Variants in ST8SIA6 observed in about 807,000 individuals in gnomAD.
ST8SIA6 encodes the protein alpha-2,8-sialyltransferase 8F.
In ST8SIA6, 39 loss-of-function variants were observed where a neutral mutation model predicts 33.6. The ratio of observed to expected loss-of-function variants is 1.16; its 90% CI spans 0.90 to 1.52. The LOEUF is 1.52. Ranked by LOEUF, ST8SIA6 falls within the 40% of genes most tolerant of loss-of-function variation. The pLI is 0.00. For missense variants in ST8SIA6, 441 were observed against 443.8 expected (o/e 0.99, Z 0.06); for synonymous variants, 172 against 167.2 (o/e 1.03, Z -0.22).
chr10:17,356,492 T>C (rs774901546), intron 4 of ST8SIA6, among the ~76,000 whole-genome samples: 7 of 151,918 alleles, frequency 4.6e-5, no homozygotes, highest in Non-Finnish European at 1.0e-4. Context: ...CAAGTGATTC[T>C]CCCGCCTCAG....
chr10:17,329,787 G>A (rs936558301), intron 5 of ST8SIA6, among the ~76,000 whole-genome samples: 3 of 152,078 alleles, frequency 2.0e-5, no homozygotes, highest in Admixed American at 6.6e-5. Context: ...AAATCTCAAC[G>A]TTTCCTTAAA....
intron 2 of ST8SIA6, among the ~76,000 whole-genome samples, chr10:17,415,483 CTTCAGGCCCA>C (rs1222476975): frequency 6.6e-6 from 1 of 152,090 alleles, no homozygotes; most frequent in Non-Finnish European, 1.5e-5. Context: ...ACCATCTGTT[CTTCAGGCCCA>C]TTCATCTTCC....
chr10:17,377,170 A>C (rs1391080803), intron 3 of ST8SIA6, among the ~76,000 whole-genome samples: 1 of 152,200 alleles, frequency 6.6e-6, no homozygotes, highest in African/African-American at 2.4e-5. Flanking sequence ...TGGACAGTGA[A>C]TCTCAGGAGC....
intron 2 of ST8SIA6, among the ~76,000 whole-genome samples, chr10:17,402,659 C>A (rs979006718): frequency 6.6e-6 from 1 of 152,068 alleles, no homozygotes; most frequent in Middle Eastern, 3.4e-3. Context: ...TCATTCTCAG[C>A]AAACTATCGC....
intron 2 of ST8SIA6, among the ~76,000 whole-genome samples, chr10:17,415,635 A>G (rs1321665914): frequency 1.3e-5 from 2 of 152,006 alleles, no homozygotes; most frequent in East Asian, 1.9e-4. Context: ...ACGCATACAC[A>G]TAATATATGT....
intron 2 of ST8SIA6, among the ~76,000 whole-genome samples, chr10:17,447,401 C>T (rs1232363059): frequency 4.0e-5 from 6 of 151,770 alleles, no homozygotes; most frequent in African/African-American, 1.5e-4. Context: ...AGCAAAATTC[C>T]TTCTCAAAAG....
At chr10:17,349,965 A>C (rs1848977645) in intron 4 of ST8SIA6, among the ~76,000 whole-genome samples, 1 of 151,766 alleles carries the variant, frequency 6.6e-6, no homozygotes, top group African/African-American at 2.4e-5. Flanking sequence ...TACACACACA[A>C]ATGAAAATGT....
At chr10:17,330,058 G>A (rs1476170901) in intron 5 of ST8SIA6, among the ~76,000 whole-genome samples, 2 of 152,124 alleles carry the variant, frequency 1.3e-5, no homozygotes, top group African/African-American at 4.8e-5. Flanking sequence ...GTCTATGAAA[G>A]GAGAAGGCTG....
intron 3 of ST8SIA6, 56 bp from the exon 4 acceptor site, chr10:17,359,656 T>G (rs1317812704): frequency 8.8e-7 from 1 of 1,137,972 alleles, no homozygotes; most frequent in Non-Finnish European, 1.3e-6. Flanking sequence ...GTAAGTCTTC[T>G]TAGAAGATAC....
intron 2 of ST8SIA6, among the ~76,000 whole-genome samples, chr10:17,444,715 C>T (rs1337831623): frequency 1.3e-5 from 2 of 152,278 alleles, no homozygotes; most frequent in Non-Finnish European, 2.9e-5. Context: ...AATGAAAGCA[C>T]TGAAAAATGT....
chr10:17,393,023 G>A (rs1240869313), intron 2 of ST8SIA6, among the ~76,000 whole-genome samples: 1 of 152,166 alleles, frequency 6.6e-6, no homozygotes, highest in African/African-American at 2.4e-5. Flanking sequence ...CACCAGTGTG[G>A]GTGGGCAGCA....
Position 17,333,690 on chromosome 10 carries a change from TATATATATATA to T in ST8SIA6, c.378-2149_378-2139del, listed in dbSNP as rs1848381625. On this transcript the variant is annotated intron_variant, in intron 4 of 7. Transcript: ENST00000377602. ...GTGCTGGGATATATATATATATATATATATATATATATATATATATATATATATTTTTTTTT... is the reference window on the plus strand; with the variant it reads ...GTGCTGGGATATATATATATATATATTATATATATATATATATTTTTTTTT... Among the ~76,000 whole-genome samples, 8 of 39,150 alleles carry T rather than the reference TATATATATATA, an allele frequency of 2.0e-4. 1 individual carries two copies. Among genetic ancestry groups the T allele is most frequent in the African/African-American group, 3.3e-4 (2 of 6,090 alleles). 25.7% of individuals were successfully genotyped at this position (39,150 alleles called of 152,430 possible). A position where few individuals can be genotyped will look rare whatever the true frequency, so the allele number is the denominator to read the frequency against.
chr10:17,368,135 C>T (rs1488532900), intron 3 of ST8SIA6, among the ~76,000 whole-genome samples: 1 of 151,294 alleles, frequency 6.6e-6, no homozygotes. Context: ...GTGGCTCACG[C>T]CTATAATCCC....
rs534347970 is a variant in ST8SIA6 at position 17,318,719 on chromosome 10, T to A, written c.*2159A>T. 42 of 470,994 alleles carry A rather than the reference T, an allele frequency of 8.9e-5. No homozygotes were observed. Among genetic ancestry groups the A allele is most frequent in the East Asian group, 6.9e-4 (10 of 14,402 alleles). The allele number at this position is 470,994 out of a possible 1,614,324, so 29.2% of individuals were successfully genotyped here. A position where few individuals can be genotyped will look rare whatever the true frequency, so the allele number is the denominator to read the frequency against. Reference sequence around the variant, plus strand: ...TCTACAAGATGGAGTTTATAGTTTTTCTTTTTGTTTTGCACTTGGTGAAAA... The same window carrying A: ...TCTACAAGATGGAGTTTATAGTTTTACTTTTTGTTTTGCACTTGGTGAAAA... On this transcript the variant is annotated 3_prime_UTR_variant, in exon 8 of 8. Coordinates refer to ENST00000377602, the MANE Select transcript of ST8SIA6 (RefSeq NM_001004470.3).
chr10:17,404,201 C>CAGGTTAGATACTAGG (rs1443006835), intron 2 of ST8SIA6, among the ~76,000 whole-genome samples: 2 of 151,902 alleles, frequency 1.3e-5, no homozygotes, highest in Admixed American at 6.6e-5. Context: ...ATTGAACATA[C>CAGGTTAGATACTAGG]AGGTTAGATA....
At chr10:17,404,089 A>G (rs1391634720) in intron 2 of ST8SIA6, among the ~76,000 whole-genome samples, 1 of 151,150 alleles carries the variant, frequency 6.6e-6, no homozygotes, top group Non-Finnish European at 1.5e-5. Flanking sequence ...AAAAAAAAGA[A>G]TGGAGGCCAT....
At chr10:17,380,957 A>G (rs1259546185) in intron 3 of ST8SIA6, among the ~76,000 whole-genome samples, 1 of 147,306 alleles carries the variant, frequency 6.8e-6, no homozygotes, top group African/African-American at 2.5e-5. Context: ...ACGTGTTTGT[A>G]TTTGAAAGGC....
chr10:17,393,456 G>C (rs188838957), intron 2 of ST8SIA6, among the ~76,000 whole-genome samples: 5 of 152,328 alleles, frequency 3.3e-5, no homozygotes, highest in Admixed American at 3.3e-4. Flanking sequence ...GATGTGGCAG[G>C]AGAAGAACAT....
chr10:17,373,383 T>C (rs1235928523), intron 3 of ST8SIA6, among the ~76,000 whole-genome samples: 2 of 152,184 alleles, frequency 1.3e-5, no homozygotes, highest in African/African-American at 4.8e-5. Flanking sequence ...CTCCCCCTTA[T>C]AAATATGCAT....
Sources: allele counts gnomAD v4.1 joint callset (sites outside exome capture counted in the v4.1 genomes callset), GRCh38; gene constraint gnomAD v4.1.1; transcripts MANE v1.5; gene names NCBI Gene and HGNC (gene_info 2026-07-23, HGNC 2026-07-21).